SHISA9: variants seen among roughly 807,000 people sequenced by gnomAD.
SHISA9 encodes protein shisa-9.
In SHISA9, 13 loss-of-function variants were observed where a neutral mutation model predicts 38.0. The observed-to-expected ratio is 0.34, with a 90% confidence interval of 0.22 to 0.54. The LOEUF is 0.54. SHISA9 is among the 20% of genes least tolerant of loss of function. The probability of loss-of-function intolerance (pLI) is 0.91; values close to 1 mark genes in which losing one functional copy is unlikely to be tolerated. For synonymous variants in SHISA9, 275 were observed against 242.0 expected (o/e 1.14, Z -1.27); for missense variants, 538 against 575.8 (o/e 0.93, Z 0.67).
intron 4 of SHISA9, among the ~76,000 whole-genome samples, chr16:13,219,905 C>T (rs528634734): frequency 6.0e-4 from 92 of 152,188 alleles, no homozygotes; most frequent in South Asian, 2.7e-3. Flanking sequence ...TTGCAGTGAG[C>T]CAAGATCACG....
At chr16:13,274,206 G>T in the SHISA9 span, among the ~76,000 whole-genome samples, 1 of 152,190 alleles carries the variant, frequency 6.6e-6, no homozygotes, top group South Asian at 2.1e-4. Flanking sequence ...AAAAGGGGAA[G>T]ATGGATAGGC....
chr16:13,260,476 C>G, the SHISA9 span, among the ~76,000 whole-genome samples: 1 of 152,240 alleles, frequency 6.6e-6, no homozygotes, highest in African/African-American at 2.4e-5. Context: ...TTATCTTTTT[C>G]AAGTTCAAAA....
At chr16:12,980,562 G>A (rs1283088046) in intron 2 of SHISA9, among the ~76,000 whole-genome samples, 2 of 147,218 alleles carry the variant, frequency 1.4e-5, no homozygotes, top group Non-Finnish European at 3.0e-5. Context: ...ACTACAATGT[G>A]TCTAAATATG....
the SHISA9 span, among the ~76,000 whole-genome samples, chr16:13,261,827 G>C: frequency 6.6e-6 from 1 of 152,258 alleles, no homozygotes; most frequent in South Asian, 2.1e-4. Context: ...AGAAAACTGA[G>C]ATAGGAGTTA....
chr16:13,092,266 C>G (rs2073782767), intron 2 of SHISA9, among the ~76,000 whole-genome samples: 2 of 152,200 alleles, frequency 1.3e-5, no homozygotes, highest in African/African-American at 4.8e-5. Flanking sequence ...CCCAGTTAGG[C>G]TACATGGGAG....
At chr16:13,253,676 A>C in the SHISA9 span, among the ~76,000 whole-genome samples, 3 of 152,162 alleles carry the variant, frequency 2.0e-5, no homozygotes, top group African/African-American at 7.2e-5. Flanking sequence ...TATCTCCCAC[A>C]AGATCCCTCC....
chr16:13,496,649 T>C, the SHISA9 span, among the ~76,000 whole-genome samples: 3 of 151,844 alleles, frequency 2.0e-5, no homozygotes, highest in African/African-American at 7.3e-5. Flanking sequence ...TGGAAAAAAA[T>C]TGGAAACAAT....
chr16:13,173,777 A>G (rs1444717238), intron 2 of SHISA9, among the ~76,000 whole-genome samples: 1 of 152,158 alleles, frequency 6.6e-6, no homozygotes, highest in Non-Finnish European at 1.5e-5. Context: ...AAAACCCGGC[A>G]ATTACAACAG....
intron 2 of SHISA9, among the ~76,000 whole-genome samples, chr16:12,976,448 C>T (rs559003971): frequency 2.4e-4 from 37 of 152,194 alleles, no homozygotes; most frequent in African/African-American, 8.9e-4. Context: ...TCTTTTGAGC[C>T]ATTGACATGG....
At chr16:13,069,350 G>A (rs2073480916) in intron 2 of SHISA9, among the ~76,000 whole-genome samples, 1 of 151,166 alleles carries the variant, frequency 6.6e-6, no homozygotes, top group African/African-American at 2.4e-5. Context: ...ATGTGTGTAT[G>A]TATATATGTG....
the SHISA9 span, among the ~76,000 whole-genome samples, chr16:13,524,590 G>T: frequency 6.6e-6 from 1 of 152,160 alleles, no homozygotes; most frequent in South Asian, 2.1e-4. Context: ...AAACAGTCTT[G>T]CTTTGTCACC....
the SHISA9 span, among the ~76,000 whole-genome samples, chr16:13,442,450 G>A: frequency 6.6e-6 from 1 of 152,062 alleles, no homozygotes; most frequent in Non-Finnish European, 1.5e-5. Context: ...TGGGATTACA[G>A]GTATGCACCA....
intron 2 of SHISA9, among the ~76,000 whole-genome samples, chr16:13,161,128 C>A (rs1001091359): frequency 6.6e-6 from 1 of 152,136 alleles, no homozygotes; most frequent in Non-Finnish European, 1.5e-5. Context: ...TCCTGGCTGG[C>A]TCCAGGGAGT....
intron 2 of SHISA9, among the ~76,000 whole-genome samples, chr16:12,987,387 A>T (rs556094553): frequency 3.3e-5 from 5 of 152,238 alleles, no homozygotes; most frequent in African/African-American, 4.8e-5. Flanking sequence ...AATGTGATAC[A>T]TATACACCAT....
chr16:12,909,089 T>G, intron 1 of SHISA9: 1 of 988,792 alleles, frequency 1.0e-6, no homozygotes, highest in Non-Finnish European at 1.2e-6. Context: ...TTGACCAGCT[T>G]CCCAGGCTGG....
At chr16:13,004,266 A>G (rs767963804) in intron 2 of SHISA9, among the ~76,000 whole-genome samples, 5 of 152,216 alleles carry the variant, frequency 3.3e-5, no homozygotes, top group Non-Finnish European at 7.3e-5. Context: ...AAAAAGGGAC[A>G]TGATGTAGTC....
At chr16:13,430,959 A>G in the SHISA9 span, among the ~76,000 whole-genome samples, 2 of 151,204 alleles carry the variant, frequency 1.3e-5, no homozygotes, top group African/African-American at 4.9e-5. Context: ...TTGAAAATGG[A>G]GGTTGTTGAC....
chr16:13,553,020 A>C, the SHISA9 span, among the ~76,000 whole-genome samples: 1 of 152,084 alleles, frequency 6.6e-6, no homozygotes, highest in African/African-American at 2.4e-5. Context: ...TGGCCTCTGC[A>C]ATCTAGATGC....
chr16:13,277,234 AGTTTATTT>A, the SHISA9 span, among the ~76,000 whole-genome samples: 1 of 151,626 alleles, frequency 6.6e-6, no homozygotes, highest in Non-Finnish European at 1.5e-5. Flanking sequence ...TAAGTAATTG[AGTTTATTT>A]CTAGGTTCTC....
Sources: allele counts gnomAD v4.1 joint callset (sites outside exome capture counted in the v4.1 genomes callset), GRCh38; gene constraint gnomAD v4.1.1; transcripts MANE v1.5; gene names NCBI Gene and HGNC (gene_info 2026-07-23, HGNC 2026-07-21).